Variants in CEP70 observed in about 807,000 individuals in gnomAD.
CEP70 encodes centrosomal protein of 70 kDa.
In CEP70, 70 loss-of-function variants were observed where a neutral mutation model predicts 90.9. The ratio of observed to expected loss-of-function variants is 0.77; its 90% CI spans 0.64 to 0.94. The LOEUF is 0.94. Among genes scored for constraint, CEP70 ranks in the 40% least tolerant of loss-of-function variants. The pLI is 0.00. For missense variants in CEP70, 648 were observed against 669.0 expected (o/e 0.97, Z 0.35); for synonymous variants, 220 against 228.3 (o/e 0.96, Z 0.33).
chr3:138,500,466 A>T lies in CEP70; in HGVS notation c.1470T>A (p.Asn490Lys), dbSNP rs2034397316. ...TTTCTCCAAGCCTAGTATAAACTTC[A>T]TTCATTCGGGGATAGACTCCATTTA... is the stretch of plus-strand genomic sequence containing the variant. The part of the protein sequence containing the change: ...PSLNGVYPRM[N>K]EVYTRLGEMN... Residue 490 changes from asparagine (N) to lysine (K), a missense_variant, in exon 15 of 18, where the codon AAT becomes AAA. Transcript: ENST00000264982. The T allele has an allele frequency of 1.1e-5, 18 of 1,611,158 alleles. No homozygotes were observed. In the East Asian group the frequency reaches 4.0e-4, roughly 36 times the overall value.
intron 2 of CEP70, among the ~76,000 whole-genome samples, chr3:138,579,929 C>T (rs2041763309): frequency 6.6e-6 from 1 of 152,038 alleles, no homozygotes; most frequent in African/African-American, 2.4e-5. Flanking sequence ...TTCCCAATTC[C>T]AGGCTTTGGC....
chr3:138,577,856 G>T (rs2041637972), intron 2 of CEP70, among the ~76,000 whole-genome samples: 1 of 152,130 alleles, frequency 6.6e-6, no homozygotes, highest in Non-Finnish European at 1.5e-5. Context: ...AGGGAAAAAA[G>T]ACTTCTAAAA....
At chr3:138,561,643 A>G (rs1391115780) in intron 6 of CEP70, among the ~76,000 whole-genome samples, 2 of 152,168 alleles carry the variant, frequency 1.3e-5, no homozygotes, top group Non-Finnish European at 2.9e-5. Context: ...AAGAACCTTG[A>G]AAAAAGGTTA....
chr3:138,539,638 A>C lies in CEP70; in HGVS notation c.466-2291T>G, dbSNP rs182668853. 1.4e-3 allele frequency among the ~76,000 whole-genome samples: 217 copies of C among 152,294 alleles called. 1 individual carries two copies. Among genetic ancestry groups the C allele is most frequent in the Non-Finnish European group, 2.6e-3 (180 of 68,024 alleles). Reference sequence around the variant, plus strand: ...ACTTGAATATAAACAGAGAAGAAAAAAGAAAAAAGAATACCTACAAAATAT... The same window carrying C: ...ACTTGAATATAAACAGAGAAGAAAACAGAAAAAAGAATACCTACAAAATAT... On this transcript the variant is annotated intron_variant, in intron 6 of 17. Coordinates refer to ENST00000264982, the MANE Select transcript of CEP70 (RefSeq NM_024491.4).
intron 6 of CEP70, among the ~76,000 whole-genome samples, chr3:138,547,246 A>C (rs2039280659): frequency 6.6e-6 from 1 of 152,222 alleles, no homozygotes; most frequent in East Asian, 1.9e-4. Context: ...TGTAGGATAG[A>C]AAAGCAATAC....
chr3:138,574,345 C>T (rs1157237622), intron 2 of CEP70, among the ~76,000 whole-genome samples: 1 of 152,202 alleles, frequency 6.6e-6, no homozygotes, highest in Non-Finnish European at 1.5e-5. Flanking sequence ...ACTGCTAGCG[C>T]AGCAGTCCAA....
chr3:138,537,536 A>T (rs150571282), intron 6 of CEP70, among the ~76,000 whole-genome samples, 189 bp from the exon 7 acceptor site: 5 of 152,206 alleles, frequency 3.3e-5, no homozygotes, highest in Admixed American at 6.5e-5. Context: ...CTGAAAAAAT[A>T]TAAGTCAAAT....
chr3:138,575,842 A>G (rs2108194578), intron 2 of CEP70, among the ~76,000 whole-genome samples: 1 of 152,344 alleles, frequency 6.6e-6, no homozygotes, highest in South Asian at 2.1e-4. Flanking sequence ...TTTCATATCC[A>G]GCCAAACTAA....
intron 7 of CEP70, 107 bp from the exon 8 acceptor site, chr3:138,532,677 A>T (rs113262276): frequency 9.7e-7 from 1 of 1,028,168 alleles, no homozygotes; most frequent in East Asian, 3.4e-5. Flanking sequence ...AGTACAGATT[A>T]TCTGGCAGGC....
intron 10 of CEP70, among the ~76,000 whole-genome samples, chr3:138,528,445 C>T (rs539465415): frequency 4.6e-5 from 7 of 152,124 alleles, no homozygotes; most frequent in East Asian, 1.9e-4. Flanking sequence ...TAAGTTATCA[C>T]GGGAAAGAAC....
In CEP70 at chr3:138,567,605, T is replaced by G. The variant is rs566098367; in HGVS notation, c.465+2713A>C. ...CTAGAGGACTCTACATAACCAAGTT[T>G]ACTGACTAGCCCTTATCTGTCATTA... On this transcript the variant is annotated intron_variant, in intron 6 of 17. Coordinates refer to ENST00000264982, the MANE Select transcript of CEP70 (RefSeq NM_024491.4). Among the ~76,000 whole-genome samples the G allele has an allele frequency of 1.1e-4, 16 of 152,340 alleles. No individual in the cohort carries two copies. The South Asian group carries it at 3.3e-3, about 32-fold the overall frequency.
At chr3:138,579,850 A>C (rs532606608) in intron 2 of CEP70, among the ~76,000 whole-genome samples, 47 of 152,134 alleles carry the variant, frequency 3.1e-4, no homozygotes, top group Non-Finnish European at 6.3e-4. Flanking sequence ...GGAAGAGTAA[A>C]GAAGACTTTC....
intron 11 of CEP70, among the ~76,000 whole-genome samples, chr3:138,513,232 C>T (rs1272041142): frequency 6.6e-6 from 1 of 152,198 alleles, no homozygotes; most frequent in Non-Finnish European, 1.5e-5. Flanking sequence ...GACACGCCAC[C>T]TCCTTTCCTT....
intron 6 of CEP70, among the ~76,000 whole-genome samples, chr3:138,551,760 A>AAT (rs2039639724): frequency 2.1e-5 from 1 of 48,154 alleles, no homozygotes; most frequent in Admixed American, 1.6e-4. Flanking sequence ...AAAAAAAAAT[A>AAT]AAATAAAACA....
intron 10 of CEP70, among the ~76,000 whole-genome samples, chr3:138,526,429 G>C (rs983198132): frequency 2.6e-5 from 4 of 152,108 alleles, no homozygotes; most frequent in Non-Finnish European, 5.9e-5. Context: ...CTAAAGTGCT[G>C]GGATTACAGG....
rs151267946 is a variant in CEP70 at position 138,543,085 on chromosome 3, G to T, written c.466-5738C>A. Among the ~76,000 whole-genome samples the T allele has an allele frequency of 4.7e-3, 717 of 152,314 alleles. 2 individuals carry two copies. Among genetic ancestry groups the T allele is most frequent in the Middle Eastern group, 0.01 (3 of 294 alleles). On this transcript the variant is annotated intron_variant, in intron 6 of 17. Coordinates refer to ENST00000264982, the MANE Select transcript of CEP70 (RefSeq NM_024491.4). ...GGCATGAAGGAAGTTCTCACTCCAG[G>T]TTGCGGACTCCACCTGGCACTGGCA...
At position 138,567,060 on chromosome 3, in the gene CEP70, A is replaced by T. The variant is rs147377572; in HGVS notation, c.465+3258T>A. Among the ~76,000 whole-genome samples, 3 of 152,288 alleles carry T rather than the reference A, an allele frequency of 2.0e-5. No homozygotes were observed. The East Asian group carries it at 5.8e-4, about 29-fold the overall frequency. On this transcript the variant is annotated intron_variant, in intron 6 of 17. Coordinates refer to ENST00000264982, the MANE Select transcript of CEP70 (RefSeq NM_024491.4). ...AGCAATAAAAAGGAATAAACTATGG[A>T]TATGTGCAACTACATGGGTGAATCC...
chr3:138,577,260 G>C (rs1270118529), intron 2 of CEP70, among the ~76,000 whole-genome samples: 1 of 152,062 alleles, frequency 6.6e-6, no homozygotes, highest in East Asian at 1.9e-4. Context: ...CGAGTTAATG[G>C]GTGCAGCACA....
chr3:138,502,822 T>C (rs1046656100), intron 13 of CEP70, among the ~76,000 whole-genome samples: 1 of 152,172 alleles, frequency 6.6e-6, no homozygotes, highest in African/African-American at 2.4e-5. Flanking sequence ...GTAGAAGTAC[T>C]ACCATGAGCC....
Sources: gnomAD v4.1 joint callset for allele counts (sites outside exome capture counted in the v4.1 genomes callset) on GRCh38, gnomAD v4.1.1 for gene constraint, MANE v1.5 for transcripts, NCBI Gene and HGNC (gene_info 2026-07-23, HGNC 2026-07-21) for gene names.